JAK2: variants seen among roughly 807,000 people sequenced by gnomAD.
JAK2 encodes Janus kinase 2.
JAK2 carries 86 observed loss-of-function variants against 139.3 expected under a neutral mutation model. The ratio of observed to expected loss-of-function variants is 0.62; its 90% CI spans 0.52 to 0.74. The LOEUF is 0.74. Ranked by LOEUF, JAK2 falls within the 30% of genes least tolerant of loss-of-function variation. JAK2 has a pLI of 0.00. For synonymous variants in JAK2, 490 were observed against 437.7 expected, an observed-to-expected ratio of 1.12 and a Z score of -1.49; for missense variants, 1,421 against 1,360.3, an observed-to-expected ratio of 1.04 and a Z score of -0.70.
In JAK2 at chr9:5,043,439, G is replaced by A. The variant is rs370703186; in HGVS notation, c.351-964G>A. Among the ~76,000 whole-genome samples the A allele has an allele frequency of 4.6e-5, 7 of 152,160 alleles. No individual in the cohort carries two copies. In the East Asian group the frequency reaches 7.7e-4, roughly 17 times the overall value. ...CTACAAGGATGGCAAAAATCAGAAA[G>A]ACAAACAATAACAAGTGTTAGAGAA... On this transcript the variant is annotated intron_variant, in intron 4 of 24. Transcript: ENST00000381652.
chr9:5,069,770 T>C (rs912386372), intron 11 of JAK2, among the ~76,000 whole-genome samples, 155 bp from the exon 12 acceptor site: 1 of 152,082 alleles, frequency 6.6e-6, no homozygotes, highest in Non-Finnish European at 1.5e-5. Flanking sequence ...GTTCAATGAG[T>C]TGACCCCTAA....
chr9:5,065,474 G>A (rs1818506381), intron 9 of JAK2, among the ~76,000 whole-genome samples: 1 of 152,166 alleles, frequency 6.6e-6, no homozygotes, highest in Admixed American at 6.5e-5. Flanking sequence ...CTAGTGCTAT[G>A]TAGAACTTCC....
At chr9:5,105,861 T>C (rs988620820) in intron 22 of JAK2, among the ~76,000 whole-genome samples, 1 of 152,244 alleles carries the variant, frequency 6.6e-6, no homozygotes, top group Non-Finnish European at 1.5e-5. Context: ...GCTAGCCATA[T>C]GTAGAAAGCT....
chr9:5,049,329 T>C (rs767543380), intron 5 of JAK2, among the ~76,000 whole-genome samples: 3 of 152,236 alleles, frequency 2.0e-5, no homozygotes, highest in Admixed American at 6.5e-5. Flanking sequence ...CTTACTTTTC[T>C]AAGTTTTAAT....
chr9:5,066,869 C>CATATTATTTACCATACCA, intron 10 of JAK2, 80 bp downstream of exon 10: 1 of 541,438 alleles, frequency 1.8e-6, no homozygotes, highest in South Asian at 4.1e-5. Context: ...ACCATATTTC[C>CATATTATTTACCATACCA]TTTTTAATAC....
chr9:5,070,068 C>A lies in JAK2; in HGVS notation c.1641+16C>A. ...TTTGATATTTGTAAGTCATTAGATA[C>A]TCATTACTGTCTTTTTTGTCCTTTT... On this transcript the variant is annotated intron_variant, in intron 12 of 24. Coordinates refer to ENST00000381652, the MANE Select transcript of JAK2 (RefSeq NM_004972.4). The A allele has an allele frequency of 6.4e-7, 1 of 1,573,238 alleles. No homozygotes were observed. Among genetic ancestry groups the A allele is most frequent in the Non-Finnish European group, 8.7e-7 (1 of 1,153,126 alleles).
At chr9:5,100,733 G>T (rs12341983) in intron 22 of JAK2, 2 of 152,180 alleles carry the variant, frequency 1.3e-5, no homozygotes, top group East Asian at 1.9e-4. Context: ...TATCCATCAC[G>T]ATTACCTTAG....
chr9:5,011,300 C>G (rs1246102033), intron 2 of JAK2, among the ~76,000 whole-genome samples: 1 of 152,102 alleles, frequency 6.6e-6, no homozygotes, highest in African/African-American at 2.4e-5. Flanking sequence ...ATCCTCCTAC[C>G]TCAGCCTCCC....
chr9:5,031,356 T>C (rs1015208382), intron 4 of JAK2, among the ~76,000 whole-genome samples: 9 of 152,168 alleles, frequency 5.9e-5, no homozygotes, highest in Admixed American at 2.6e-4. Context: ...CATAATTAAA[T>C]TCAGAATCAT....
intron 19 of JAK2, among the ~76,000 whole-genome samples, chr9:5,083,609 G>GT (rs1180466204): frequency 3.3e-5 from 5 of 152,096 alleles, no homozygotes; most frequent in South Asian, 2.1e-4. Context: ...CTTAAAAAAA[G>GT]TTCCTTTAGA....
chr9:4,986,535 C>T (rs1263392018), intron 2 of JAK2, among the ~76,000 whole-genome samples: 1 of 152,040 alleles, frequency 6.6e-6, no homozygotes, highest in Non-Finnish European at 1.5e-5. Flanking sequence ...AGGGTAGGAG[C>T]GGCTGAGTAT....
chr9:5,051,826 G>C (rs1817434657), intron 6 of JAK2, among the ~76,000 whole-genome samples: 1 of 152,016 alleles, frequency 6.6e-6, no homozygotes, highest in African/African-American at 2.4e-5. Flanking sequence ...AATTTGCAGA[G>C]TATCAATTTC....
At chr9:5,120,896 G>C (rs997323202) in intron 22 of JAK2, among the ~76,000 whole-genome samples, 2 of 152,168 alleles carry the variant, frequency 1.3e-5, no homozygotes, top group African/African-American at 4.8e-5. Flanking sequence ...GCAAGTTTTG[G>C]AAAGAGGATG....
intron 2 of JAK2, among the ~76,000 whole-genome samples, chr9:4,999,795 A>G (rs1160713853): frequency 6.6e-6 from 1 of 152,232 alleles, no homozygotes; most frequent in Non-Finnish European, 1.5e-5. Context: ...CTAAGTTGCC[A>G]CAATTTATCA....
At chr9:5,039,104 G>A (rs767488335) in intron 4 of JAK2, among the ~76,000 whole-genome samples, 2 of 152,056 alleles carry the variant, frequency 1.3e-5, no homozygotes, top group South Asian at 4.1e-4. Flanking sequence ...AATGAGATGA[G>A]GATAGCTACT....
chr9:5,085,549 A>G (rs73395341), intron 19 of JAK2: 152,457 of 701,514 alleles, frequency 0.22, 17,095 homozygotes, highest in Middle Eastern at 0.23. Context: ...TCGGGTTAAA[A>G]TAGATATAAC....
intron 5 of JAK2, among the ~76,000 whole-genome samples, chr9:5,049,670 A>G (rs765711095): frequency 8.5e-5 from 13 of 152,206 alleles, no homozygotes; most frequent in Admixed American, 3.9e-4. Flanking sequence ...CTGAGACCAC[A>G]TCTTATACAG....
chr9:5,125,753 T>A (rs577644349), intron 23 of JAK2, among the ~76,000 whole-genome samples: 37 of 71,038 alleles, frequency 5.2e-4, no homozygotes, highest in African/African-American at 3.3e-3. Context: ...TGACTATATA[T>A]TTGTTGGGTG....
chr9:5,068,987 T>C, intron 10 of JAK2, 35 bp from the exon 11 acceptor site: 3 of 1,232,850 alleles, frequency 2.4e-6, no homozygotes, highest in South Asian at 1.4e-5. Flanking sequence ...CCATTGTGAC[T>C]ATCCCTCCCT....
Sources: gnomAD v4.1 joint callset for allele counts (sites outside exome capture counted in the v4.1 genomes callset) on GRCh38, gnomAD v4.1.1 for gene constraint, MANE v1.5 for transcripts, NCBI Gene and HGNC (gene_info 2026-07-23, HGNC 2026-07-21) for gene names.